The following NSMCE2 variants were observed in gnomAD, a reference collection of about 807,000 sequenced individuals.
The protein encoded by NSMCE2 is NSE2 SUMO ligase component of SMC5/6 complex.
Under a neutral mutation model 23.8 loss-of-function variants are expected in NSMCE2, and 24 were observed. That is an observed-to-expected ratio of 1.01 (90% confidence interval 0.73 to 1.42). NSMCE2 has a LOEUF of 1.42. Ranked by LOEUF, NSMCE2 falls within the 40% of genes most tolerant of loss-of-function variation. The pLI, the probability that NSMCE2 is intolerant of heterozygous loss-of-function variation, is 0.00. For missense variants in NSMCE2, 284 were observed against 296.5 expected (o/e 0.96, Z 0.31); for synonymous variants, 92 against 94.1 (o/e 0.98, Z 0.13).
chr8:125,196,037 T>C (rs1823599932), intron 5 of NSMCE2, among the ~76,000 whole-genome samples: 1 of 151,418 alleles, frequency 6.6e-6, no homozygotes, highest in Admixed American at 6.6e-5. Context: ...CCTGCCACCA[T>C]GTGAAGCTGA....
intron 5 of NSMCE2, among the ~76,000 whole-genome samples, chr8:125,343,754 G>T (rs1315514364): frequency 6.6e-6 from 1 of 152,160 alleles, no homozygotes; most frequent in Non-Finnish European, 1.5e-5. Context: ...CCAGCACTTT[G>T]GGAGGCCAAG....
chr8:125,344,982 A>G (rs1297403824), intron 5 of NSMCE2, among the ~76,000 whole-genome samples: 1 of 152,004 alleles, frequency 6.6e-6, no homozygotes. Context: ...TATTATAAAA[A>G]CAACAGTAAT....
chr8:125,247,908 C>T (rs10096127), intron 5 of NSMCE2, among the ~76,000 whole-genome samples: 3,730 of 152,120 alleles, frequency 0.025, 145 homozygotes, highest in African/African-American at 0.085. Context: ...ACTAAAGTGA[C>T]CACTTTCCTT....
chr8:125,138,148 G>A (rs1314121666), intron 3 of NSMCE2, among the ~76,000 whole-genome samples: 1 of 152,150 alleles, frequency 6.6e-6, no homozygotes, highest in Non-Finnish European at 1.5e-5. Flanking sequence ...ATTTTAGATT[G>A]TAAAAGTCAG....
chr8:125,357,525 G>A (rs566911504), intron 6 of NSMCE2, among the ~76,000 whole-genome samples, 187 bp from the exon 7 acceptor site: 2 of 152,342 alleles, frequency 1.3e-5, no homozygotes, highest in South Asian at 4.1e-4. Flanking sequence ...CGGGACTAAA[G>A]TCATGGCCTA....
chr8:125,333,905 C>T (rs1467089605), intron 5 of NSMCE2, among the ~76,000 whole-genome samples: 4 of 152,134 alleles, frequency 2.6e-5, no homozygotes, highest in Non-Finnish European at 5.9e-5. Context: ...AGTACCTCCA[C>T]CAAGATCAGT....
rs111355815 is a variant in NSMCE2 at position 125,309,248 on chromosome 8, CAAAAAAAAA to C, written c.419-47957_419-47949del. ...GGGCTATAAGGGCAAAACTCTGTCT[CAAAAAAAAA>C]AAAAAAAAAAAAAGAATTGTGTTGT... On this transcript the variant is annotated intron_variant, in intron 5 of 7. Transcript: ENST00000287437. Among the ~76,000 whole-genome samples the C allele has an allele frequency of 2.6e-4, 17 of 65,536 alleles. No homozygotes were observed. In the South Asian group the frequency reaches 5.9e-3, roughly 23 times the overall value. The allele number at this position is 65,536 out of a possible 152,430, so 43.0% of individuals were successfully genotyped here.
intron 5 of NSMCE2, among the ~76,000 whole-genome samples, chr8:125,236,781 A>G (rs1036206756): frequency 2.6e-5 from 4 of 151,714 alleles, no homozygotes; most frequent in South Asian, 4.2e-4. Context: ...ACCATGCTCT[A>G]TACCACTTGG....
chr8:125,154,346 C>G (rs1306822242), intron 4 of NSMCE2, among the ~76,000 whole-genome samples: 1 of 152,030 alleles, frequency 6.6e-6, no homozygotes, highest in Non-Finnish European at 1.5e-5. Flanking sequence ...TTTGGAACCT[C>G]AGAGGTATGG....
In NSMCE2 at chr8:125,296,750, G is replaced by T. The variant is rs764611028; in HGVS notation, c.419-60469G>T. Among the ~76,000 whole-genome samples, 185 of 152,162 alleles carry T rather than the reference G, an allele frequency of 1.2e-3. 1 individual carries two copies. The highest frequency in any genetic ancestry group is 2.1e-3 in the Non-Finnish European group (144 of 68,008). Reference sequence around the variant, plus strand: ...ACATTTCCTTTTCCTCCTTCGTATTGTTGCTTACAAACATAAGACAATAAC... The same window carrying T: ...ACATTTCCTTTTCCTCCTTCGTATTTTTGCTTACAAACATAAGACAATAAC... On this transcript the variant is annotated intron_variant, in intron 5 of 7. Coordinates refer to ENST00000287437, the MANE Select transcript of NSMCE2 (RefSeq NM_173685.4).
intron 4 of NSMCE2, among the ~76,000 whole-genome samples, chr8:125,178,288 T>C (rs1299410971): frequency 6.6e-6 from 1 of 152,160 alleles, no homozygotes; most frequent in Non-Finnish European, 1.5e-5. Context: ...TGGTCTACTC[T>C]CATTTTAGCT....
chr8:125,167,601 C>T (rs1380002866), intron 4 of NSMCE2, among the ~76,000 whole-genome samples: 1 of 151,970 alleles, frequency 6.6e-6, no homozygotes, highest in Non-Finnish European at 1.5e-5. Flanking sequence ...TGCTACTGCA[C>T]TCCAGCCTGG....
intron 5 of NSMCE2, among the ~76,000 whole-genome samples, chr8:125,234,050 G>T (rs536897729): frequency 3.3e-5 from 5 of 151,108 alleles, no homozygotes; most frequent in Admixed American, 1.3e-4. Context: ...AAAATTAGTC[G>T]GGTATGGTGT....
chr8:125,112,176 C>T (rs1253784761), intron 3 of NSMCE2, among the ~76,000 whole-genome samples: 1 of 152,164 alleles, frequency 6.6e-6, no homozygotes, highest in Non-Finnish European at 1.5e-5. Flanking sequence ...AGCATTATAA[C>T]TTAAATTAGT....
intron 5 of NSMCE2, among the ~76,000 whole-genome samples, chr8:125,217,013 T>C (rs565555632): frequency 1.3e-5 from 2 of 152,336 alleles, no homozygotes; most frequent in Admixed American, 1.3e-4. Flanking sequence ...AGTTATATAT[T>C]GCATCCATTT....
At position 125,351,066 on chromosome 8, in the gene NSMCE2, A is replaced by G. The variant is rs575949790; in HGVS notation, c.419-6153A>G. Among the ~76,000 whole-genome samples, 5 of 152,338 alleles carry G rather than the reference A, an allele frequency of 3.3e-5. No individual in the cohort carries two copies. The East Asian group carries it at 9.6e-4, about 29-fold the overall frequency. Reference sequence around the variant, plus strand: ...CCTACTAGTGGATTGGATGTGAGGAATGAAGAAAAGGGAATAACCAAGAAT... The same window carrying G: ...CCTACTAGTGGATTGGATGTGAGGAGTGAAGAAAAGGGAATAACCAAGAAT... On this transcript the variant is annotated intron_variant, in intron 5 of 7. Transcript: ENST00000287437.
intron 5 of NSMCE2, among the ~76,000 whole-genome samples, chr8:125,344,018 A>G (rs1335186862): frequency 6.6e-6 from 1 of 152,090 alleles, no homozygotes; most frequent in Non-Finnish European, 1.5e-5. Flanking sequence ...ACAAACAACA[A>G]AAAAAATTAC....
At chr8:125,103,324 G>T (rs1469252805) in intron 3 of NSMCE2, among the ~76,000 whole-genome samples, 1 of 151,804 alleles carries the variant, frequency 6.6e-6, no homozygotes. Flanking sequence ...AAAGAAAAAA[G>T]ATGTTATTTG....
chr8:125,146,893 T>TA (rs1028920008), intron 3 of NSMCE2, among the ~76,000 whole-genome samples: 1 of 151,124 alleles, frequency 6.6e-6, no homozygotes, highest in Non-Finnish European at 1.5e-5. Context: ...ACTTAAAGTA[T>TA]AAAAAAAACA....
Sources: allele counts gnomAD v4.1 joint callset (sites outside exome capture counted in the v4.1 genomes callset), GRCh38; gene constraint gnomAD v4.1.1; transcripts MANE v1.5; gene names NCBI Gene and HGNC (gene_info 2026-07-23, HGNC 2026-07-21).